The following RAB3C variants were observed in gnomAD, a reference collection of about 807,000 sequenced individuals.
RAB3C encodes ras-related protein Rab-3C.
A neutral mutation model predicts 26.4 loss-of-function variants in RAB3C; 17 were observed. The observed-to-expected ratio is 0.64, with a 90% CI of 0.44 to 0.97. The LOEUF (loss-of-function observed/expected upper bound fraction) is 0.97. Among genes scored for constraint, RAB3C ranks in the 50% least tolerant of loss-of-function variants. The probability of loss-of-function intolerance (pLI) is 0.00; values close to 1 mark genes in which losing one functional copy is unlikely to be tolerated. For missense variants in RAB3C, 242 were observed against 281.9 expected, an observed-to-expected ratio of 0.86 and a Z score of 1.01; for synonymous variants, 91 against 95.9, an observed-to-expected ratio of 0.95 and a Z score of 0.30.
intron 2 of RAB3C, among the ~76,000 whole-genome samples, chr5:58,677,782 G>A (rs1318695249): frequency 1.3e-5 from 2 of 152,112 alleles, no homozygotes; most frequent in Non-Finnish European, 2.9e-5. Context: ...AATTGACAAA[G>A]CCTATAGCTG....
rs530746126 is a variant in RAB3C at position 58,761,423 on chromosome 5, TG to T, written c.371+35308del. On this transcript the variant is annotated intron_variant, in intron 3 of 4. Transcript: ENST00000282878. ...CCACAAATATTTTTTAAATTTAATT[TG>T]GGGGTAACAAACATTTTAAATACAT... is the stretch of plus-strand genomic sequence containing the variant. 8.1e-4 allele frequency among the ~76,000 whole-genome samples: 124 copies of T among 152,316 alleles called. 1 individual carries two copies. The highest frequency in any genetic ancestry group is 2.8e-3 in the African/African-American group (117 of 41,570).
rs746716704 is a variant in RAB3C, at chr5:58,856,523, C to A, written c.*5172C>A. The A allele has an allele frequency of 1.3e-5, 2 of 152,098 alleles. No homozygotes were observed. The highest frequency in any genetic ancestry group is 2.9e-5 in the Non-Finnish European group (2 of 68,024). The allele number at this position is 152,098 out of a possible 1,614,324, so 9.4% of individuals were successfully genotyped here. On this transcript the variant is annotated 3_prime_UTR_variant, in exon 5 of 5. Transcript: ENST00000282878. ...TCACCATTTACTTCCCATCAGCAAC[C>A]ATTACTGGTGGAGTTTCAAACAGTC...
intron 2 of RAB3C, among the ~76,000 whole-genome samples, chr5:58,713,803 T>C (rs1749113989): frequency 6.6e-6 from 1 of 152,172 alleles, no homozygotes; most frequent in Non-Finnish European, 1.5e-5. Context: ...AACACAGGCA[T>C]AAACCAGGAC....
At chr5:58,702,075 C>T (rs936538923) in intron 2 of RAB3C, among the ~76,000 whole-genome samples, 1 of 152,128 alleles carries the variant, frequency 6.6e-6, no homozygotes, top group Non-Finnish European at 1.5e-5. Context: ...GCCTCGGCAA[C>T]AGCTTCAAAT....
intron 3 of RAB3C, among the ~76,000 whole-genome samples, chr5:58,748,660 A>G (rs1324420978): frequency 2.6e-5 from 4 of 152,168 alleles, no homozygotes; most frequent in African/African-American, 9.7e-5. Context: ...AAATATATAC[A>G]TATGAAATAA....
intron 1 of RAB3C, among the ~76,000 whole-genome samples, chr5:58,606,528 G>A (rs919109468): frequency 2.6e-5 from 4 of 152,204 alleles, no homozygotes; most frequent in East Asian, 1.9e-4. Flanking sequence ...TGACAGCTCT[G>A]AAGAGAGCAG....
chr5:58,640,233 C>A (rs1292028697), intron 2 of RAB3C, among the ~76,000 whole-genome samples: 1 of 152,192 alleles, frequency 6.6e-6, no homozygotes, highest in Admixed American at 6.5e-5. Context: ...AAAGGAGGAA[C>A]TTCCAGCTGC....
At chr5:58,698,563 A>G (rs1047691050) in intron 2 of RAB3C, among the ~76,000 whole-genome samples, 1 of 152,182 alleles carries the variant, frequency 6.6e-6, no homozygotes, top group African/African-American at 2.4e-5. Flanking sequence ...CAGGTCCACA[A>G]TCAAACGTAG....
chr5:58,803,202 A>G (rs1742849220), intron 3 of RAB3C, among the ~76,000 whole-genome samples: 1 of 152,188 alleles, frequency 6.6e-6, no homozygotes, highest in African/African-American at 2.4e-5. Flanking sequence ...ACTTTTCACT[A>G]TTGAGTCAGT....
At chr5:58,802,743 G>T (rs560240439) in intron 3 of RAB3C, among the ~76,000 whole-genome samples, 20 of 152,276 alleles carry the variant, frequency 1.3e-4, no homozygotes, top group African/African-American at 4.8e-4. Flanking sequence ...TCCTGAATTA[G>T]GTGATTTAAA....
intron 2 of RAB3C, among the ~76,000 whole-genome samples, chr5:58,725,216 G>A: frequency 6.6e-6 from 1 of 151,758 alleles, no homozygotes; most frequent in South Asian, 2.1e-4. Context: ...ATTCTTGGAT[G>A]GCAGGTTTCT....
chr5:58,718,958 T>C (rs182898772), intron 2 of RAB3C, among the ~76,000 whole-genome samples: 42 of 152,188 alleles, frequency 2.8e-4, no homozygotes, highest in Non-Finnish European at 1.3e-4. Flanking sequence ...ACAAATTCAA[T>C]ACTGTTTTGT....
chr5:58,663,056 A>G (rs1319724203), intron 2 of RAB3C, among the ~76,000 whole-genome samples: 2 of 150,406 alleles, frequency 1.3e-5, no homozygotes, highest in African/African-American at 5.0e-5. Flanking sequence ...TGTCAATAAT[A>G]TAAATAGTAC....
chr5:58,664,222 G>A (rs575414782), intron 2 of RAB3C, among the ~76,000 whole-genome samples: 1 of 152,224 alleles, frequency 6.6e-6, no homozygotes, highest in South Asian at 2.1e-4. Context: ...AAACAACCTA[G>A]ATTTCCTTCA....
intron 4 of RAB3C, among the ~76,000 whole-genome samples, chr5:58,850,670 A>T (rs561921986): frequency 1.6e-4 from 25 of 152,332 alleles, no homozygotes; most frequent in African/African-American, 6.0e-4. Context: ...TAAAAAATTG[A>T]AATTAAAAAT....
At chr5:58,811,958 G>C (rs1220760816) in intron 3 of RAB3C, among the ~76,000 whole-genome samples, 1 of 151,976 alleles carries the variant, frequency 6.6e-6, no homozygotes, top group East Asian at 1.9e-4. Context: ...GCATTTTCCT[G>C]ACATGGAGGC....
chr5:58,783,418 A>G (rs536956750), intron 3 of RAB3C, among the ~76,000 whole-genome samples: 61 of 152,220 alleles, frequency 4.0e-4, no homozygotes, highest in Non-Finnish European at 7.9e-4. Flanking sequence ...TTTAGAACAG[A>G]AAGCTTTTCC....
chr5:58,637,602 GGAAAGACA>G (rs1747316590), intron 2 of RAB3C, among the ~76,000 whole-genome samples: 1 of 152,030 alleles, frequency 6.6e-6, no homozygotes, highest in Non-Finnish European at 1.5e-5. Flanking sequence ...AAGGAAAGGT[GGAAAGACA>G]GAAAAAGTAG....
intron 3 of RAB3C, among the ~76,000 whole-genome samples, chr5:58,749,331 T>A (rs1741472231): frequency 6.6e-6 from 1 of 152,246 alleles, no homozygotes; most frequent in African/African-American, 2.4e-5. Flanking sequence ...TGTGTGAATT[T>A]TATTTTCACT....
Sources: gnomAD v4.1 joint callset for allele counts (sites outside exome capture counted in the v4.1 genomes callset) on GRCh38, gnomAD v4.1.1 for gene constraint, MANE v1.5 for transcripts, NCBI Gene and HGNC (gene_info 2026-07-23, HGNC 2026-07-21) for gene names.